Variants in PLD5 observed in about 807,000 individuals in gnomAD.
The protein encoded by PLD5 is phospholipase D family member 5.
In PLD5, 36 loss-of-function variants were observed where a neutral mutation model predicts 61.1. The observed-to-expected ratio is 0.59, with a 90% CI of 0.45 to 0.78. PLD5 has a LOEUF of 0.78. Among genes scored for constraint, PLD5 ranks in the 30% least tolerant of loss-of-function variants. The probability of loss-of-function intolerance (pLI) is 0.00; values close to 1 mark genes in which losing one functional copy is unlikely to be tolerated. For synonymous variants in PLD5, 243 were observed against 242.8 expected, an observed-to-expected ratio of 1.00 and a Z score of -0.01; for missense variants, 515 against 644.4, an observed-to-expected ratio of 0.80 and a Z score of 2.17.
At chr1:242,217,616 C>T (rs1448185260) in intron 5 of PLD5, among the ~76,000 whole-genome samples, 1 of 152,148 alleles carries the variant, frequency 6.6e-6, no homozygotes, top group Non-Finnish European at 1.5e-5. Flanking sequence ...AACTCCAAAA[C>T]TCCATCTCAA....
chr1:242,101,229 G>T (rs1197951693), intron 8 of PLD5, among the ~76,000 whole-genome samples: 1 of 151,942 alleles, frequency 6.6e-6, no homozygotes, highest in African/African-American at 2.4e-5. Flanking sequence ...AAGGTCAAAA[G>T]AGACTTTGCC....
At chr1:242,142,890 T>C (rs967173206) in intron 5 of PLD5, among the ~76,000 whole-genome samples, 5 of 151,810 alleles carry the variant, frequency 3.3e-5, no homozygotes, top group Admixed American at 6.6e-5. Context: ...CCATGTTGGC[T>C]GATTTTTAGT....
chr1:242,096,827 T>C (rs914776062), intron 9 of PLD5, among the ~76,000 whole-genome samples: 2 of 152,118 alleles, frequency 1.3e-5, no homozygotes, highest in African/African-American at 4.8e-5. Context: ...ATGTGCCATG[T>C]TGGTGTGCTG....
intron 4 of PLD5, among the ~76,000 whole-genome samples, chr1:242,224,552 C>T (rs1364330251): frequency 1.3e-5 from 2 of 152,006 alleles, no homozygotes; most frequent in Non-Finnish European, 2.9e-5. Context: ...GAGAGCCGCT[C>T]GTCAATATTC....
chr1:242,282,728 A>G (rs1182770454), intron 3 of PLD5, among the ~76,000 whole-genome samples: 1 of 151,844 alleles, frequency 6.6e-6, no homozygotes, highest in Admixed American at 6.6e-5. Flanking sequence ...TGTCAGTTAT[A>G]TTTCCTGACT....
intron 5 of PLD5, among the ~76,000 whole-genome samples, chr1:242,194,373 G>T (rs1263504993): frequency 6.6e-6 from 1 of 152,128 alleles, no homozygotes; most frequent in Non-Finnish European, 1.5e-5. Flanking sequence ...ATTCCTTAAA[G>T]AACTAAAAGT....
At chr1:242,238,901 C>T (rs1671814973) in intron 4 of PLD5, among the ~76,000 whole-genome samples, 1 of 152,106 alleles carries the variant, frequency 6.6e-6, no homozygotes, top group African/African-American at 2.4e-5. Flanking sequence ...AGGTTCTGCC[C>T]TGGTATCCTC....
At chr1:242,163,738 AGAAAAAGGTGAAAGGAGAT>A (rs1666078632) in intron 5 of PLD5, among the ~76,000 whole-genome samples, 1 of 152,048 alleles carries the variant, frequency 6.6e-6, no homozygotes, top group Non-Finnish European at 1.5e-5. Context: ...AAGGAGAGAA[AGAAAAAGGTGAAAGGAGAT>A]GGAAAAGGAA....
At chr1:242,238,742 G>T (rs1444415994) in intron 4 of PLD5, among the ~76,000 whole-genome samples, 3 of 152,190 alleles carry the variant, frequency 2.0e-5, no homozygotes, top group African/African-American at 4.8e-5. Flanking sequence ...ACATGAGCAA[G>T]TGTAGAAGTT....
chr1:242,143,621 G>A (rs935944771), intron 5 of PLD5, among the ~76,000 whole-genome samples: 2 of 152,074 alleles, frequency 1.3e-5, no homozygotes, highest in Admixed American at 6.6e-5. Context: ...TATAAACCCC[G>A]AGGAGGGAAA....
At chr1:242,521,034 A>G (rs1363883070) in intron 1 of PLD5, among the ~76,000 whole-genome samples, 1 of 152,232 alleles carries the variant, frequency 6.6e-6, no homozygotes, top group African/African-American at 2.4e-5. Context: ...CATTATTTGT[A>G]ACTAATAATA....
At chr1:242,091,358 C>T (rs1161047302) in intron 9 of PLD5, among the ~76,000 whole-genome samples, 1 of 152,194 alleles carries the variant, frequency 6.6e-6, no homozygotes, top group Non-Finnish European at 1.5e-5. Context: ...AGTCCATCTT[C>T]AAGGTGTGGG....
intron 1 of PLD5, among the ~76,000 whole-genome samples, chr1:242,443,105 T>A (rs1483219793): frequency 6.6e-6 from 1 of 152,206 alleles, no homozygotes; most frequent in East Asian, 1.9e-4. Context: ...TTAAATCCTA[T>A]GGACAAGGCT....
At chr1:242,516,707 C>T (rs1011334391) in intron 1 of PLD5, among the ~76,000 whole-genome samples, 2 of 152,220 alleles carry the variant, frequency 1.3e-5, no homozygotes, top group Admixed American at 6.5e-5. Flanking sequence ...ACCAATACCA[C>T]ACTGCTTTAA....
At chr1:242,467,282 A>T (rs1667306549) in intron 1 of PLD5, among the ~76,000 whole-genome samples, 1 of 152,148 alleles carries the variant, frequency 6.6e-6, no homozygotes, top group African/African-American at 2.4e-5. Flanking sequence ...TTTCTCTGCA[A>T]TGTTTTGTTT....
chr1:242,236,703 G>C (rs1360984947), intron 4 of PLD5, among the ~76,000 whole-genome samples: 1 of 152,244 alleles, frequency 6.6e-6, no homozygotes, highest in East Asian at 1.9e-4. Flanking sequence ...TTATCACAAA[G>C]ATACAATACC....
intron 5 of PLD5, among the ~76,000 whole-genome samples, chr1:242,218,302 C>A (rs1274455406): frequency 6.6e-6 from 1 of 152,206 alleles, no homozygotes; most frequent in Non-Finnish European, 1.5e-5. Context: ...TTTGTTTTTA[C>A]ATAGTGCTAC....
intron 1 of PLD5, among the ~76,000 whole-genome samples, chr1:242,412,358 T>G (rs745920710): frequency 1.3e-5 from 2 of 152,168 alleles, no homozygotes; most frequent in Non-Finnish European, 2.9e-5. Context: ...TATTTCTCAG[T>G]ATGTTACAAC....
At position 242,520,163 on chromosome 1, in the gene PLD5, A is replaced by G. The variant is rs191174804; in HGVS notation, c.189+3925T>C. ...TATGAATGGATGATTTCTGGGCGGA[A>G]GCATTGAAAGCCTAAATCATTACAT... is the stretch of plus-strand genomic sequence containing the variant. On this transcript the variant is annotated intron_variant, in intron 1 of 9. Coordinates refer to ENST00000536534, the MANE Select transcript of PLD5 (RefSeq NM_001372062.1). 4.5e-4 allele frequency among the ~76,000 whole-genome samples: 69 copies of G among 152,266 alleles called. 1 individual carries two copies. The highest frequency in any genetic ancestry group is 1.6e-3 in the African/African-American group (66 of 41,568).
Sources: gnomAD v4.1 joint callset for allele counts (sites outside exome capture counted in the v4.1 genomes callset) on GRCh38, gnomAD v4.1.1 for gene constraint, MANE v1.5 for transcripts, NCBI Gene and HGNC (gene_info 2026-07-23, HGNC 2026-07-21) for gene names.